Variants in TYW1B observed in about 807,000 individuals in gnomAD.
The protein encoded by TYW1B is tRNA-yW synthesizing protein 1 homolog B.
In TYW1B, 73 loss-of-function variants were observed where a neutral mutation model predicts 86.9. That is an observed-to-expected ratio of 0.84 (90% CI 0.70 to 1.02). TYW1B has a LOEUF of 1.02. TYW1B is among the 50% of genes least tolerant of loss of function. The probability of loss-of-function intolerance (pLI) is 0.00; values close to 1 mark genes in which losing one functional copy is unlikely to be tolerated. For synonymous variants in TYW1B, 248 were observed against 292.8 expected (o/e 0.85, Z 1.56); for missense variants, 637 against 827.4 (o/e 0.77, Z 2.82).
intron 11 of TYW1B, among the ~76,000 whole-genome samples, chr7:72,688,591 C>G (rs1221367671): frequency 1.3e-5 from 2 of 152,198 alleles, no homozygotes; most frequent in South Asian, 2.1e-4. Context: ...ACGTTGAAAG[C>G]TTCAACACTT....
intron 13 of TYW1B, among the ~76,000 whole-genome samples, chr7:72,578,838 C>T (rs192002034): frequency 2.0e-4 from 30 of 152,234 alleles, no homozygotes; most frequent in Non-Finnish European, 4.0e-4. Flanking sequence ...GAGTCTTTTT[C>T]GGGATCCCAG....
At chr7:72,817,197 A>T (rs1483276128) in intron 2 of TYW1B, among the ~76,000 whole-genome samples, 3 of 152,126 alleles carry the variant, frequency 2.0e-5, no homozygotes, top group African/African-American at 7.2e-5. Context: ...TGAGGTCAGG[A>T]GTTCGAGACC....
intron 9 of TYW1B, among the ~76,000 whole-genome samples, chr7:72,719,831 G>A (rs1377953740): frequency 6.6e-6 from 1 of 152,130 alleles, no homozygotes; most frequent in Admixed American, 6.6e-5. Flanking sequence ...AGACGGAAGA[G>A]CATTCCAGTC....
At chr7:72,792,494 T>C (rs1428096717) in intron 6 of TYW1B, among the ~76,000 whole-genome samples, 1 of 152,148 alleles carries the variant, frequency 6.6e-6, no homozygotes, top group Non-Finnish European at 1.5e-5. Flanking sequence ...TGGTAACATC[T>C]CAGATGTAGA....
chr7:72,579,051 ATT>A (rs534611898), intron 13 of TYW1B, among the ~76,000 whole-genome samples: 26 of 147,056 alleles, frequency 1.8e-4, no homozygotes, highest in African/African-American at 6.2e-4. Context: ...AATGGACTTA[ATT>A]TTTTTTTTTT....
chr7:72,751,007 C>T (rs1787490115), intron 7 of TYW1B, among the ~76,000 whole-genome samples: 1 of 150,950 alleles, frequency 6.6e-6, no homozygotes, highest in Admixed American at 6.6e-5. Context: ...TTCCAGTCTA[C>T]TTTTGTCTAT....
At chr7:72,630,587 C>A (rs182354067) in intron 11 of TYW1B, among the ~76,000 whole-genome samples, 1 of 151,570 alleles carries the variant, frequency 6.6e-6, no homozygotes, top group Non-Finnish European at 1.5e-5. Flanking sequence ...AGACTTCCAA[C>A]ATTAATAAAA....
intron 6 of TYW1B, among the ~76,000 whole-genome samples, chr7:72,784,517 C>G (rs1788096670): frequency 6.6e-6 from 1 of 152,116 alleles, no homozygotes; most frequent in African/African-American, 2.4e-5. Context: ...TTCTTTGAGA[C>G]AGGGTTGTCT....
chr7:72,644,664 T>TA (rs1437499036), intron 11 of TYW1B, among the ~76,000 whole-genome samples: 4 of 152,030 alleles, frequency 2.6e-5, no homozygotes, highest in Non-Finnish European at 4.4e-5. Flanking sequence ...GATTCTTTTT[T>TA]AAAAAAATAA....
chr7:72,737,251 T>C (rs1554461139), intron 8 of TYW1B, among the ~76,000 whole-genome samples: 1 of 152,220 alleles, frequency 6.6e-6, no homozygotes, highest in Non-Finnish European at 1.5e-5. Flanking sequence ...TTGTTATATA[T>C]TTAATGGAAA....
intron 7 of TYW1B, chr7:72,768,822 C>A (rs1182404368): frequency 1.3e-5 from 3 of 227,786 alleles, no homozygotes; most frequent in East Asian, 1.3e-4. Context: ...TGGTGCAGGA[C>A]AGGATCCTGT....
chr7:72,662,834 T>C (rs370317960), intron 11 of TYW1B, among the ~76,000 whole-genome samples: 2 of 152,290 alleles, frequency 1.3e-5, no homozygotes, highest in East Asian at 1.9e-4. Flanking sequence ...ATAAATCAAA[T>C]AGAACCCATA....
intron 12 of TYW1B, among the ~76,000 whole-genome samples, chr7:72,623,571 T>G (rs1181047774): frequency 6.6e-6 from 1 of 152,192 alleles, no homozygotes; most frequent in African/African-American, 2.4e-5. Context: ...TAAACCCTAG[T>G]CCTGTCTACT....
chr7:72,605,506 A>C (rs1241580319), intron 13 of TYW1B, among the ~76,000 whole-genome samples: 1 of 152,044 alleles, frequency 6.6e-6, no homozygotes, highest in Non-Finnish European at 1.5e-5. Context: ...GGCACGTGCC[A>C]CCACGCCTGG....
At chr7:72,738,669 T>C (rs1360169422) in intron 8 of TYW1B, among the ~76,000 whole-genome samples, 1 of 152,134 alleles carries the variant, frequency 6.6e-6, no homozygotes, top group Admixed American at 6.5e-5. Context: ...AATAGCAATT[T>C]TGCCCCCAGC....
intron 7 of TYW1B, among the ~76,000 whole-genome samples, chr7:72,757,292 T>G (rs1428769479): frequency 2.7e-5 from 4 of 147,950 alleles, no homozygotes; most frequent in African/African-American, 1.0e-4. Flanking sequence ...CGCTTGAACC[T>G]GGGAGGCGGA....
intron 12 of TYW1B, among the ~76,000 whole-genome samples, chr7:72,626,672 G>A (rs185364115): frequency 2.4e-4 from 37 of 152,010 alleles, no homozygotes; most frequent in Non-Finnish European, 4.7e-4. Context: ...CGTTCAGCCC[G>A]TACCTATAAC....
At chr7:72,719,631 CAAAAAAA>C (rs67560586) in intron 9 of TYW1B, among the ~76,000 whole-genome samples, 1 of 65,056 alleles carries the variant, frequency 1.5e-5, no homozygotes, top group Non-Finnish European at 2.7e-5. Context: ...ATTCCGTCTC[CAAAAAAA>C]AAAAAAAAAA....
At chr7:72,590,699 C>T (rs2129567814) in intron 13 of TYW1B, among the ~76,000 whole-genome samples, 1 of 152,238 alleles carries the variant, frequency 6.6e-6, no homozygotes, top group East Asian at 1.9e-4. Flanking sequence ...AACAAAACTC[C>T]AGAAAACACT....
Sources: allele counts gnomAD v4.1 joint callset (sites outside exome capture counted in the v4.1 genomes callset), GRCh38; gene constraint gnomAD v4.1.1; transcripts MANE v1.5; gene names NCBI Gene and HGNC (gene_info 2026-07-23, HGNC 2026-07-21).